Variants in SLC39A8 observed in about 807,000 individuals in gnomAD.
SLC39A8 encodes metal cation symporter ZIP8.
Under a neutral mutation model 40.4 loss-of-function variants are expected in SLC39A8, and 15 were observed. That is an observed-to-expected ratio of 0.37 (90% CI 0.25 to 0.57). The LOEUF (loss-of-function observed/expected upper bound fraction) is 0.57. SLC39A8 is among the 20% of genes least tolerant of loss of function. The probability of loss-of-function intolerance (pLI) is 0.75; values close to 1 mark genes in which losing one functional copy is unlikely to be tolerated. For synonymous variants in SLC39A8, 223 were observed against 221.6 expected, an observed-to-expected ratio of 1.01 and a Z score of -0.06; for missense variants, 472 against 558.8, an observed-to-expected ratio of 0.84 and a Z score of 1.57.
At chr4:102,279,826 G>A (rs1350663855) in intron 6 of SLC39A8, among the ~76,000 whole-genome samples, 1 of 152,210 alleles carries the variant, frequency 6.6e-6, no homozygotes, top group Non-Finnish European at 1.5e-5. Context: ...ATGGGATTTT[G>A]TGCATACCCT....
At chr4:102,344,224 A>G (rs1250516980) in intron 2 of SLC39A8, among the ~76,000 whole-genome samples, 3 of 152,126 alleles carry the variant, frequency 2.0e-5, no homozygotes, top group Non-Finnish European at 4.4e-5. Context: ...ATCAGGCGTA[A>G]AACTGCAGTT....
chr4:102,340,251 T>C (rs1735885076), intron 2 of SLC39A8, among the ~76,000 whole-genome samples: 1 of 152,108 alleles, frequency 6.6e-6, no homozygotes, highest in African/African-American at 2.4e-5. Flanking sequence ...GTTAAAAATC[T>C]TTTGGAGGGT....
chr4:102,259,642 C>T (rs1380912883), downstream of SLC39A8: 1 of 650,202 alleles, frequency 1.5e-6, no homozygotes, highest in African/African-American at 1.8e-5. Flanking sequence ...GCATGGCCAA[C>T]CCGAAAGTCA....
At chr4:102,342,948 C>T (rs62329462) in intron 2 of SLC39A8, among the ~76,000 whole-genome samples, 20,024 of 152,172 alleles carry the variant, frequency 0.13, 1,578 homozygotes, top group South Asian at 0.28. Flanking sequence ...AGCACGTGAC[C>T]ATACCTACCT....
At position 102,343,557 on chromosome 4, in the gene SLC39A8, A is replaced by G. The variant is rs78032151; in HGVS notation, c.219+887T>C. 9.6e-4 allele frequency among the ~76,000 whole-genome samples: 147 copies of G among 152,350 alleles called. 1 individual carries two copies. In the East Asian group the frequency reaches 0.017, roughly 18 times the overall value. On this transcript the variant is annotated intron_variant, in intron 2 of 8. Transcript: ENST00000356736. Reference sequence around the variant, plus strand: ...GGAAAACAAGTCAAAGCACTGAGTTAACTGAGTTTTAAAAGACGGAGAGCA... The same window carrying G: ...GGAAAACAAGTCAAAGCACTGAGTTGACTGAGTTTTAAAAGACGGAGAGCA...
intron 6 of SLC39A8, among the ~76,000 whole-genome samples, chr4:102,272,039 G>A (rs138598589): frequency 0.012 from 1,857 of 152,140 alleles, 38 homozygotes; most frequent in African/African-American, 0.041. Flanking sequence ...ACCAAGAGGT[G>A]AGAGTAAAAG....
chr4:102,255,082 C>T (rs1731678087), intron 11 of SLC39A8, among the ~76,000 whole-genome samples: 1 of 152,184 alleles, frequency 6.6e-6, no homozygotes, highest in Non-Finnish European at 1.5e-5. Flanking sequence ...CTCACCACTA[C>T]TGGAACATAA....
At chr4:102,305,608 C>G (rs1233395005) in intron 4 of SLC39A8, among the ~76,000 whole-genome samples, 1 of 151,958 alleles carries the variant, frequency 6.6e-6, no homozygotes, top group Non-Finnish European at 1.5e-5. Context: ...CTTATACCTA[C>G]AGAACTGTGA....
downstream of SLC39A8, among the ~76,000 whole-genome samples, chr4:102,258,108 T>TG (rs1553910756): frequency 2.0e-5 from 3 of 150,866 alleles, no homozygotes; most frequent in Non-Finnish European, 4.4e-5. Flanking sequence ...TTTTTTGTTT[T>TG]TTGTTTTTTT....
At chr4:102,273,146 T>C (rs1438799440) in intron 6 of SLC39A8, among the ~76,000 whole-genome samples, 4 of 152,182 alleles carry the variant, frequency 2.6e-5, no homozygotes, top group Non-Finnish European at 5.9e-5. Flanking sequence ...CAAGTGGTCT[T>C]GCTCAGCGGG....
intron 2 of SLC39A8, among the ~76,000 whole-genome samples, chr4:102,331,137 C>T (rs1302146174): frequency 6.6e-6 from 1 of 152,184 alleles, no homozygotes; most frequent in Non-Finnish European, 1.5e-5. Context: ...CCCTCTATTA[C>T]CACTCCTATT....
At chr4:102,297,224 C>G (rs766299998) in intron 6 of SLC39A8, among the ~76,000 whole-genome samples, 1 of 145,152 alleles carries the variant, frequency 6.9e-6, no homozygotes, top group Non-Finnish European at 1.5e-5. Context: ...CAAATGGAAA[C>G]AATAGGCAGC....
At chr4:102,302,856 T>C (rs1157774991) in intron 6 of SLC39A8, among the ~76,000 whole-genome samples, 1 of 152,012 alleles carries the variant, frequency 6.6e-6, no homozygotes, top group African/African-American at 2.4e-5. Context: ...TGTAAGAAAT[T>C]ATATACTTGA....
intron 6 of SLC39A8, among the ~76,000 whole-genome samples, chr4:102,298,976 C>T (rs769180235): frequency 6.6e-6 from 1 of 151,962 alleles, no homozygotes; most frequent in African/African-American, 2.4e-5. Flanking sequence ...GCCAATGTGG[C>T]AAGGCAGCCA....
chr4:102,271,300 G>C (rs568257598), intron 6 of SLC39A8, among the ~76,000 whole-genome samples: 1 of 152,130 alleles, frequency 6.6e-6, no homozygotes, highest in East Asian at 1.9e-4. Context: ...TACAGAATGT[G>C]AATCTAATTC....
At chr4:102,291,203 TC>T (rs1733424596) in intron 6 of SLC39A8, among the ~76,000 whole-genome samples, 1 of 152,100 alleles carries the variant, frequency 6.6e-6, no homozygotes. Flanking sequence ...CCTTTCCTCT[TC>T]TTTCAGCTAC....
chr4:102,256,072 C>T (rs1402463752), intron 11 of SLC39A8, among the ~76,000 whole-genome samples: 1 of 152,164 alleles, frequency 6.6e-6, no homozygotes, highest in East Asian at 1.9e-4. Context: ...TTCTAAGCTT[C>T]TAAAATCAAT....
chr4:102,260,899 T>G (rs17032345), downstream of SLC39A8, among the ~76,000 whole-genome samples: 3,510 of 152,306 alleles, frequency 0.023, 153 homozygotes, highest in African/African-American at 0.08. Context: ...GAGTCTTCAG[T>G]TTATCCAGCT....
At chr4:102,317,643 C>T (rs981490616) in intron 2 of SLC39A8, among the ~76,000 whole-genome samples, 3 of 152,184 alleles carry the variant, frequency 2.0e-5, no homozygotes, top group Non-Finnish European at 4.4e-5. Flanking sequence ...CAACTGGACA[C>T]TGTGTGCTTC....
Sources: allele counts gnomAD v4.1 joint callset (sites outside exome capture counted in the v4.1 genomes callset), GRCh38; gene constraint gnomAD v4.1.1; transcripts MANE v1.5; gene names NCBI Gene and HGNC (gene_info 2026-07-23, HGNC 2026-07-21).